The following R3HDM2 variants were observed in gnomAD, a reference collection of about 807,000 sequenced individuals.
R3HDM2 encodes the protein R3H domain-containing protein 2.
R3HDM2 carries 38 observed loss-of-function variants against 124.5 expected under a neutral mutation model. The ratio of observed to expected loss-of-function variants is 0.31; its 90% CI spans 0.24 to 0.40. The LOEUF (loss-of-function observed/expected upper bound fraction) is 0.40, where lower values mean the gene tolerates loss of function less well. R3HDM2 is among the 10% of genes least tolerant of loss of function. The pLI, the probability that R3HDM2 is intolerant of heterozygous loss-of-function variation, is 1.00. For missense variants in R3HDM2, 869 were observed against 1,236.9 expected (o/e 0.70, Z 4.46); for synonymous variants, 391 against 448.0 (o/e 0.87, Z 1.61).
Position 57,283,465 on chromosome 12 carries a change from G to A in R3HDM2, c.1171+359C>T, listed in dbSNP as rs115732087. On this transcript the variant is annotated intron_variant, in intron 13 of 23. Coordinates refer to ENST00000402412, the MANE Select transcript of R3HDM2 (RefSeq NM_001394031.1). ...TATTGAAAGTAAATATGGGCTGGGCGTGGTGACTCACGCCTGTAATCCCAG... is the reference window on the plus strand; with the variant it reads ...TATTGAAAGTAAATATGGGCTGGGCATGGTGACTCACGCCTGTAATCCCAG... 4.3e-3 allele frequency among the ~76,000 whole-genome samples: 651 copies of A among 152,286 alleles called. 4 individuals carry two copies. Among genetic ancestry groups the A allele is most frequent in the African/African-American group, 0.015 (617 of 41,558 alleles).
At chr12:57,340,711 C>T (rs2059453875) in intron 2 of R3HDM2, among the ~76,000 whole-genome samples, 1 of 152,000 alleles carries the variant, frequency 6.6e-6, no homozygotes. Flanking sequence ...AGAAAATAAA[C>T]CAGCATATTT....
chr12:57,266,595 T>C, intron 19 of R3HDM2, 136 bp downstream of exon 19: 1 of 687,256 alleles, frequency 1.5e-6, no homozygotes, highest in Admixed American at 2.2e-5. Context: ...AGACTGTTTT[T>C]TCTTTGTGAT....
At chr12:57,305,547 G>T (rs2052397418) in intron 3 of R3HDM2, 1 of 397,878 alleles carries the variant, frequency 2.5e-6, no homozygotes, top group Non-Finnish European at 4.4e-6. Context: ...TCCCAGAATG[G>T]ATAGTTTTAA....
intron 10 of R3HDM2, among the ~76,000 whole-genome samples, chr12:57,295,137 AGT>A (rs2049472348): frequency 6.6e-6 from 1 of 152,208 alleles, no homozygotes; most frequent in Admixed American, 6.5e-5. Context: ...GTTAGAAGTC[AGT>A]GGCAGACCCA....
intron 1 of R3HDM2, among the ~76,000 whole-genome samples, chr12:57,406,962 AAG>A: frequency 6.6e-6 from 1 of 152,128 alleles, no homozygotes; most frequent in East Asian, 1.9e-4. Context: ...CTTTTAGAAA[AAG>A]AGATTTTAGG....
chr12:57,326,693 A>C (rs978958054), intron 2 of R3HDM2, among the ~76,000 whole-genome samples: 1 of 152,254 alleles, frequency 6.6e-6, no homozygotes, highest in African/African-American at 2.4e-5. Flanking sequence ...TGTAGACAAA[A>C]GAGCCTTTTA....
At chr12:57,297,212 C>T (rs936530998) in intron 8 of R3HDM2, 116 bp downstream of exon 8, 7 of 612,698 alleles carry the variant, frequency 1.1e-5, no homozygotes, top group Admixed American at 3.3e-5. Flanking sequence ...AACTTAAAAA[C>T]TTCAGTATGT....
At chr12:57,359,433 T>C (rs2061635187) in intron 2 of R3HDM2, among the ~76,000 whole-genome samples, 1 of 152,222 alleles carries the variant, frequency 6.6e-6, no homozygotes, top group South Asian at 2.1e-4. Context: ...TCCTCTTTCA[T>C]CATTAAATAA....
chr12:57,267,203 G>A (rs1222282775), intron 18 of R3HDM2, among the ~76,000 whole-genome samples: 1 of 151,650 alleles, frequency 6.6e-6, no homozygotes, highest in Admixed American at 6.6e-5. Flanking sequence ...CAGAGTGCTA[G>A]AAAGAGATGG....
At chr12:57,342,157 T>A (rs1015150561) in intron 2 of R3HDM2, among the ~76,000 whole-genome samples, 2 of 152,060 alleles carry the variant, frequency 1.3e-5, no homozygotes, top group Non-Finnish European at 2.9e-5. Context: ...AAGAAAATTA[T>A]CCAAAACTCA....
chr12:57,405,819 A>G (rs778375410), intron 1 of R3HDM2, among the ~76,000 whole-genome samples: 14 of 152,302 alleles, frequency 9.2e-5, no homozygotes, highest in Non-Finnish European at 1.8e-4. Flanking sequence ...TCTAAACATC[A>G]TTTCTCCATA....
chr12:57,360,036 T>TATATATATATATATATAC (rs2061724002), intron 2 of R3HDM2, among the ~76,000 whole-genome samples: 2 of 78,408 alleles, frequency 2.6e-5, no homozygotes, highest in Non-Finnish European at 5.1e-5. Flanking sequence ...CACATATATA[T>TATATATATATATATATAC]ATATATATAT....
At chr12:57,386,845 G>A (rs2065909150) in intron 2 of R3HDM2, among the ~76,000 whole-genome samples, 1 of 152,080 alleles carries the variant, frequency 6.6e-6, no homozygotes, top group Non-Finnish European at 1.5e-5. Context: ...AGCACCCTGT[G>A]TCTAGCTCAG....
intron 1 of R3HDM2, among the ~76,000 whole-genome samples, 191 bp from the exon 2 acceptor site, chr12:57,396,009 T>G (rs1201890615): frequency 6.6e-6 from 1 of 152,084 alleles, no homozygotes; most frequent in Admixed American, 6.6e-5. Context: ...AATTTACAAT[T>G]AAAAAAACCC....
At chr12:57,277,072 A>G (rs140963070) in intron 14 of R3HDM2, among the ~76,000 whole-genome samples, 99 of 149,126 alleles carry the variant, frequency 6.6e-4, no homozygotes, top group African/African-American at 2.4e-3. Context: ...CTGTACTCCA[A>G]TAACTTATGG....
Position 57,269,430 on chromosome 12 carries a change from G to A in R3HDM2, c.1607C>T (p.Pro536Leu). 1 of 1,614,094 alleles carries A rather than the reference G, an allele frequency of 6.2e-7. No homozygotes were observed. Among genetic ancestry groups the A allele is most frequent in the Non-Finnish European group, 8.5e-7 (1 of 1,179,992 alleles). The part of the protein sequence containing the change: ...PPQQIQVSYY[P>L]PGQYPNSNQQ... ...GTTGGAGTTAGGATATTGTCCAGGG[G>A]GATAGTAAGAAACCTGGATCTATGG... Residue 536 changes from proline to leucine, a missense_variant, in exon 16 of 24, where the codon CCC becomes CTC. Pro to Leu is a moderately conservative substitution (Grantham distance 98). Transcript: ENST00000402412.
At chr12:57,310,200 C>T (rs11172153) in intron 3 of R3HDM2, 64 bp downstream of exon 3, 1 of 1,216,816 alleles carries the variant, frequency 8.2e-7, no homozygotes, top group African/African-American at 1.7e-5. Context: ...ACAGACAGAG[C>T]TGGGTAACCC....
At chr12:57,392,482 G>A (rs1462923627) in intron 2 of R3HDM2, among the ~76,000 whole-genome samples, 1 of 152,152 alleles carries the variant, frequency 6.6e-6, no homozygotes, top group Admixed American at 6.5e-5. Context: ...AGTTCAGGGG[G>A]TAATGTTCAC....
At chr12:57,274,886 T>C (rs2044332120) in intron 14 of R3HDM2, among the ~76,000 whole-genome samples, 1 of 152,030 alleles carries the variant, frequency 6.6e-6, no homozygotes, top group East Asian at 1.9e-4. Context: ...AAAATGACCA[T>C]ACTGCCAAAA....
Sources: gnomAD v4.1 joint callset for allele counts (sites outside exome capture counted in the v4.1 genomes callset) on GRCh38, gnomAD v4.1.1 for gene constraint, MANE v1.5 for transcripts, NCBI Gene and HGNC (gene_info 2026-07-23, HGNC 2026-07-21) for gene names.